Variants in PPARA observed in about 807,000 individuals in gnomAD.
PPARA encodes the protein peroxisome proliferator activated receptor alpha.
PPARA carries 22 observed loss-of-function variants against 42.2 expected under a neutral mutation model. That is an observed-to-expected ratio of 0.52 (90% CI 0.37 to 0.74). The LOEUF is 0.74. Ranked by LOEUF, PPARA falls within the 30% of genes least tolerant of loss-of-function variation. PPARA has a pLI of 0.00. For synonymous variants in PPARA, 242 were observed against 239.3 expected, an observed-to-expected ratio of 1.01 and a Z score of -0.10; for missense variants, 465 against 608.2, an observed-to-expected ratio of 0.76 and a Z score of 2.48.
chr22:46,235,796 G>T lies in PPARA; in HGVS notation c.*416G>T. 3.7e-6 allele frequency: 1 copy of T among 273,812 alleles called. No individual in the cohort carries two copies. Among genetic ancestry groups the T allele is most frequent in the Non-Finnish European group, 7.2e-6 (1 of 139,134 alleles). 17.0% of individuals were successfully genotyped at this position (273,812 alleles called of 1,614,324 possible). ...CCTTTATAATTCTGAAAACTAATCA[G>T]CACTTTTTAACAATGTTTATAATCC... is the stretch of plus-strand genomic sequence containing the variant. On this transcript the variant is annotated 3_prime_UTR_variant, in exon 9 of 9. Transcript: ENST00000407236. The surrounding 1 kb of genome is among the most constrained non-coding windows in gnomAD (Gnocchi z 7.0).
chr22:46,174,217 AGG>A (rs71190700), intron 2 of PPARA, among the ~76,000 whole-genome samples: 95 of 13,844 alleles, frequency 6.9e-3, no homozygotes, highest in South Asian at 6.7e-3. Context: ...AGAGAGAGAG[AGG>A]GAGAAAGAAA....
chr22:46,163,100 G>A lies in PPARA; in HGVS notation c.-127+11130G>A, dbSNP rs1926466304. On this transcript the variant is annotated intron_variant, in intron 2 of 8. Coordinates refer to ENST00000407236, the MANE Select transcript of PPARA (RefSeq NM_005036.6). The surrounding 1 kb of genome is among the most constrained non-coding windows in gnomAD (Gnocchi z 4.9). ...GCAGCCTGCAGAGGGGAAAGAGCGG[G>A]GACAGAGGGTCACGGAGGTCGCAGG... Among the ~76,000 whole-genome samples, 2 of 152,192 alleles carry A rather than the reference G, an allele frequency of 1.3e-5. No homozygotes were observed.
Position 46,211,248 on chromosome 22 carries a change from C to T in PPARA, c.209-3925C>T, listed in dbSNP as rs1933898784. ...GATGTCTCCAGCCCTCATCTGTTAC[C>T]AGATGGATCGTTCTAGCCTCCTCCA... On this transcript the variant is annotated intron_variant, in intron 4 of 8. Coordinates refer to ENST00000407236, the MANE Select transcript of PPARA (RefSeq NM_005036.6). The surrounding 1 kb of genome is among the most constrained non-coding windows in gnomAD (Gnocchi z 4.1). 6.6e-6 allele frequency among the ~76,000 whole-genome samples: 1 copy of T among 152,210 alleles called. No homozygotes were observed. The highest frequency in any genetic ancestry group is 1.5e-5 in the Non-Finnish European group (1 of 68,046).
rs1210870063 is a variant in PPARA, at chr22:46,160,379, C to A, written c.-127+8409C>A. On this transcript the variant is annotated intron_variant, in intron 2 of 8. Transcript: ENST00000407236. This position sits in a 1 kb window ranked among gnomAD's most constrained non-coding sequence, Gnocchi z 4.5. Reference sequence around the variant, plus strand: ...TGGTGCGATCTCAGCTCACTGCAATCTCTGCCTCCTGGGTTCAAGCGATTC... The same window carrying A: ...TGGTGCGATCTCAGCTCACTGCAATATCTGCCTCCTGGGTTCAAGCGATTC... 6.6e-6 allele frequency among the ~76,000 whole-genome samples: 1 copy of A among 152,190 alleles called. No homozygotes were observed. Among genetic ancestry groups the A allele is most frequent in the African/African-American group, 2.4e-5 (1 of 41,440 alleles).
chr22:46,206,364 C>T (rs1933309895), intron 4 of PPARA, among the ~76,000 whole-genome samples: 1 of 152,186 alleles, frequency 6.6e-6, no homozygotes, highest in African/African-American at 2.4e-5. Flanking sequence ...ATCTGCCTGC[C>T]TTGGCCTCCC....
Position 46,203,572 on chromosome 22 carries a change from C to T in PPARA, c.208+4981C>T, listed in dbSNP as rs1240271357. On this transcript the variant is annotated intron_variant, in intron 4 of 8. Coordinates refer to ENST00000407236, the MANE Select transcript of PPARA (RefSeq NM_005036.6). This position sits in a 1 kb window ranked among gnomAD's most constrained non-coding sequence, Gnocchi z 5.8. ...TAAATCTGGGTTCTTGTGTCATGAC[C>T]AGGAAAAATTAGGCACGTGGACACG... 6.6e-6 allele frequency among the ~76,000 whole-genome samples: 1 copy of T among 152,056 alleles called. No homozygotes were observed. Among genetic ancestry groups the T allele is most frequent in the Admixed American group, 6.6e-5 (1 of 15,260 alleles).
In PPARA at chr22:46,234,605, C is replaced by A. The variant is rs186164903; in HGVS notation, c.1160-528C>A. ...GCAATCTCCGTCTCCCAGGTTCAAGCGATTCTCCCACCTCAGCCTCCCGAG... is the reference window on the plus strand; with the variant it reads ...GCAATCTCCGTCTCCCAGGTTCAAGAGATTCTCCCACCTCAGCCTCCCGAG... On this transcript the variant is annotated intron_variant, in intron 8 of 8. Coordinates refer to ENST00000407236, the MANE Select transcript of PPARA (RefSeq NM_005036.6). This position sits in a 1 kb window ranked among gnomAD's most constrained non-coding sequence, Gnocchi z 5.8. 1.3e-5 allele frequency among the ~76,000 whole-genome samples: 2 copies of A among 152,020 alleles called. No homozygotes were observed. The highest frequency in any genetic ancestry group is 2.9e-5 in the Non-Finnish European group (2 of 67,980).
intron 4 of PPARA, among the ~76,000 whole-genome samples, chr22:46,199,054 G>A (rs1047027928): frequency 6.6e-6 from 1 of 152,226 alleles, no homozygotes; most frequent in Non-Finnish European, 1.5e-5. Flanking sequence ...CCTGGGCCCT[G>A]GAAGGCGCGT....
At chr22:46,159,426 C>T (rs1925820433) in intron 2 of PPARA, among the ~76,000 whole-genome samples, 1 of 152,132 alleles carries the variant, frequency 6.6e-6, no homozygotes, top group Non-Finnish European at 1.5e-5. Flanking sequence ...TTTCCCCCCA[C>T]TTTGACAACT....
intron 6 of PPARA, among the ~76,000 whole-genome samples, 190 bp downstream of exon 6, chr22:46,218,591 TG>T (rs1430307738): frequency 1.3e-5 from 2 of 151,382 alleles, no homozygotes; most frequent in East Asian, 2.0e-4. Flanking sequence ...CCCAGCACTT[TG>T]GGAGGCTGAG....
intron 4 of PPARA, among the ~76,000 whole-genome samples, chr22:46,213,591 T>G (rs185260273): frequency 6.7e-6 from 1 of 149,672 alleles, no homozygotes; most frequent in Non-Finnish European, 1.5e-5. Context: ...CTTTTTTTTT[T>G]CTTTTCTTTT....
In PPARA at chr22:46,224,134, CTCTT is replaced by C. The variant is rs1935217805; in HGVS notation, c.711+4122_711+4125del. ...AAGGCAACCTCCAACCATCATGTGA[CTCTT>C]TGTGTTTGATCACACTGTTTGCTCC... On this transcript the variant is annotated intron_variant, in intron 7 of 8. Coordinates refer to ENST00000407236, the MANE Select transcript of PPARA (RefSeq NM_005036.6). The surrounding 1 kb of genome is among the most constrained non-coding windows in gnomAD (Gnocchi z 5.7). Among the ~76,000 whole-genome samples, 1 of 152,206 alleles carries C rather than the reference CTCTT, an allele frequency of 6.6e-6. No homozygotes were observed. The highest frequency in any genetic ancestry group is 1.5e-5 in the Non-Finnish European group (1 of 68,038).
chr22:46,153,574 A>C (rs1184563620), intron 2 of PPARA, among the ~76,000 whole-genome samples: 2 of 152,140 alleles, frequency 1.3e-5, no homozygotes, highest in African/African-American at 4.8e-5. Context: ...AGAGTTTTAA[A>C]AATTGTGTAT....
chr22:46,231,926 G>A lies in PPARA; in HGVS notation c.846G>A (p.Glu282=). The part of the protein sequence containing the change: ...IFHCCQCTSV[E]TVTELTEFAK... ...ACTGCTGCCAGTGCACGTCAGTGGA[G>A]ACCGTCACGGAGCTCACGGAATTCG... Residue 282 remains glutamate (E), a synonymous_variant, in exon 8 of 9, where the codon GAG becomes GAA. Transcript: ENST00000407236. This position sits in a 1 kb window ranked among gnomAD's most constrained non-coding sequence, Gnocchi z 7.7. 6 of 1,614,248 alleles carry A rather than the reference G, an allele frequency of 3.7e-6. No homozygotes were observed. The highest frequency in any genetic ancestry group is 5.1e-6 in the Non-Finnish European group (6 of 1,180,056).
rs771842481 is a variant in PPARA at position 46,160,392 on chromosome 22, G to T, written c.-127+8422G>T. On this transcript the variant is annotated intron_variant, in intron 2 of 8. Transcript: ENST00000407236. The surrounding 1 kb of genome is among the most constrained non-coding windows in gnomAD (Gnocchi z 4.5). ...GCTCACTGCAATCTCTGCCTCCTGG[G>T]TTCAAGCGATTCTCCTGCCTCAGCC... Among the ~76,000 whole-genome samples, 4 of 152,156 alleles carry T rather than the reference G, an allele frequency of 2.6e-5. No homozygotes were observed. The highest frequency in any genetic ancestry group is 5.9e-5 in the Non-Finnish European group (4 of 68,038).
chr22:46,172,193 C>T (rs142344865), intron 2 of PPARA, among the ~76,000 whole-genome samples: 51 of 151,900 alleles, frequency 3.4e-4, no homozygotes, highest in African/African-American at 1.2e-3. Context: ...ACCTGGCAGC[C>T]GTGTGTGAGA....
At position 46,196,174 on chromosome 22, in the gene PPARA, T is replaced by C. The variant is rs1932211461; in HGVS notation, c.-42-2168T>C. Among the ~76,000 whole-genome samples the C allele has an allele frequency of 1.3e-5, 2 of 152,192 alleles. No homozygotes were observed. Among genetic ancestry groups the C allele is most frequent in the Admixed American group, 1.3e-4 (2 of 15,280 alleles). On this transcript the variant is annotated intron_variant, in intron 3 of 8. Transcript: ENST00000407236. This position sits in a 1 kb window ranked among gnomAD's most constrained non-coding sequence, Gnocchi z 5.6. The stretch of plus-strand genomic sequence containing the variant: ...GTCTCAGGAAGTGGTTTAGGATGTT[T>C]CAGCGAGAGCATGATACAGACTAAC...
chr22:46,184,195 A>G lies in PPARA; in HGVS notation c.-43+7359A>G, dbSNP rs1216636430. Among the ~76,000 whole-genome samples the G allele has an allele frequency of 6.6e-6, 1 of 152,204 alleles. No homozygotes were observed. Among genetic ancestry groups the G allele is most frequent in the Non-Finnish European group, 1.5e-5 (1 of 68,040 alleles). ...CTGATGATGATTTGATGATGACTTC[A>G]TTTTTATAAAACAATAATATTGCAG... On this transcript the variant is annotated intron_variant, in intron 3 of 8. Transcript: ENST00000407236. The surrounding 1 kb of genome is among the most constrained non-coding windows in gnomAD (Gnocchi z 4.4).
intron 4 of PPARA, among the ~76,000 whole-genome samples, chr22:46,205,784 C>T (rs1933245477): frequency 6.6e-6 from 1 of 151,330 alleles, no homozygotes; most frequent in South Asian, 2.1e-4. Context: ...GGTGCATAAA[C>T]ATTCAGGCTT....
Sources: gnomAD v4.1 joint callset for allele counts (sites outside exome capture counted in the v4.1 genomes callset) on GRCh38, gnomAD v4.1.1 for gene constraint, Gnocchi (gnomAD v3.1) non-coding constraint, MANE v1.5 for transcripts, NCBI Gene and HGNC (gene_info 2026-07-23, HGNC 2026-07-21) for gene names.